The following STIMATE variants were observed in gnomAD, a reference collection of about 807,000 sequenced individuals.
STIMATE encodes the protein store-operated calcium entry regulator STIMATE.
A neutral mutation model predicts 36.7 loss-of-function variants in STIMATE; 15 were observed. That is an observed-to-expected ratio of 0.41 (90% confidence interval 0.27 to 0.63). STIMATE has a LOEUF of 0.63. STIMATE is among the 20% of genes least tolerant of loss of function. The probability of loss-of-function intolerance (pLI) is 0.32; values close to 1 mark genes in which losing one functional copy is unlikely to be tolerated. For missense variants in STIMATE, 305 were observed against 397.3 expected, an observed-to-expected ratio of 0.77 and a Z score of 1.98; for synonymous variants, 163 against 162.3, an observed-to-expected ratio of 1.00 and a Z score of -0.03.
intron 1 of STIMATE, among the ~76,000 whole-genome samples, chr3:52,877,018 A>G (rs569028214): frequency 6.6e-6 from 1 of 152,348 alleles, no homozygotes; most frequent in South Asian, 2.1e-4. Context: ...CTTGTGATAA[A>G]AAGTCAACTC....
At chr3:52,858,593 G>T (rs1402101669) in intron 1 of STIMATE, among the ~76,000 whole-genome samples, 2 of 152,170 alleles carry the variant, frequency 1.3e-5, no homozygotes, top group African/African-American at 4.8e-5. Flanking sequence ...CTGCATTCCA[G>T]CCTGGGAAAG....
intron 4 of STIMATE, chr3:52,846,621 G>C (rs1207511493): frequency 6.6e-6 from 1 of 152,208 alleles, no homozygotes; most frequent in South Asian, 2.1e-4. Flanking sequence ...CATTGCCCCA[G>C]TGTTCTAGGT....
intron 7 of STIMATE, 83 bp from the exon 8 acceptor site, chr3:52,840,693 GTC>G (rs1700781861): frequency 1.9e-5 from 21 of 1,117,612 alleles, no homozygotes; most frequent in Non-Finnish European, 2.6e-5. Flanking sequence ...GGCCCTTCAA[GTC>G]TCATGTTTTT....
At chr3:52,850,404 C>T (rs1015452330) in intron 3 of STIMATE, among the ~76,000 whole-genome samples, 3 of 150,882 alleles carry the variant, frequency 2.0e-5, no homozygotes, top group Non-Finnish European at 2.9e-5. Context: ...TGCACTCCAG[C>T]GTGGTGACAC....
chr3:52,873,754 T>C (rs559897482), intron 1 of STIMATE, among the ~76,000 whole-genome samples: 17 of 152,292 alleles, frequency 1.1e-4, no homozygotes, highest in Admixed American at 1.1e-3. Flanking sequence ...ACGTTCTTCC[T>C]GAATACTGAT....
chr3:52,888,638 T>C (rs182670968), intron 1 of STIMATE, among the ~76,000 whole-genome samples: 1 of 152,198 alleles, frequency 6.6e-6, no homozygotes, highest in African/African-American at 2.4e-5. Flanking sequence ...AGATGTCTTA[T>C]AACAAAATGG....
At chr3:52,892,862 C>T (rs1299209365) in intron 1 of STIMATE, among the ~76,000 whole-genome samples, 2 of 152,140 alleles carry the variant, frequency 1.3e-5, no homozygotes, top group African/African-American at 4.8e-5. Flanking sequence ...CATACAGCGC[C>T]GCTTATGGCG....
rs149583656 is a variant in STIMATE at position 52,849,384 on chromosome 3, T to C, written c.427+408A>G. Among the ~76,000 whole-genome samples, 487 of 152,362 alleles carry C rather than the reference T, an allele frequency of 3.2e-3. 8 individuals carry two copies. Among genetic ancestry groups the C allele is most frequent in the East Asian group, 1.9e-3 (10 of 5,188 alleles). ...AGGGGCAGGGCTTGCCACCTCGTTA[T>C]TGAACACCTTCGAAAAATGAGAGCT... On this transcript the variant is annotated intron_variant, in intron 4 of 7. Transcript: ENST00000355083.
intron 1 of STIMATE, among the ~76,000 whole-genome samples, chr3:52,886,083 A>G (rs1439186749): frequency 2.6e-5 from 4 of 152,190 alleles, no homozygotes; most frequent in East Asian, 1.9e-4. Context: ...CATGGACTCC[A>G]ATCTCAAAAT....
intron 1 of STIMATE, among the ~76,000 whole-genome samples, chr3:52,893,170 C>T (rs1575353623): frequency 6.6e-6 from 1 of 152,182 alleles, no homozygotes; most frequent in Non-Finnish European, 1.5e-5. Context: ...AAAACTCCAG[C>T]TATAAAAGAC....
In STIMATE at chr3:52,897,379, C is replaced by A; in HGVS notation, c.72G>T (p.Ala24=). 6.6e-7 allele frequency: 1 copy of A among 1,516,090 alleles called. No homozygotes were observed. The highest frequency in any genetic ancestry group is 8.8e-7 in the Non-Finnish European group (1 of 1,138,454). The allele number at this position is 1,516,090 out of a possible 1,614,324, so 93.9% of individuals were successfully genotyped here. Residue 24 remains alanine (A), a synonymous_variant, in exon 1 of 8, where the codon GCG becomes GCT. Transcript: ENST00000355083. ...GGPPSTVASG[A]GRCESGALMH... ...TGAGCGCGCCGCTCTCGCAGCGGCC[C>A]GCCCCGGACGCGACTGTGGAGGGCG...
intron 1 of STIMATE, among the ~76,000 whole-genome samples, chr3:52,894,210 TC>T (rs1701828446): frequency 6.6e-6 from 1 of 152,208 alleles, no homozygotes; most frequent in Non-Finnish European, 1.5e-5. Flanking sequence ...CATAAGCTTG[TC>T]TCTGAGTATG....
chr3:52,888,013 T>TG (rs1559499769), intron 1 of STIMATE, among the ~76,000 whole-genome samples: 5 of 142,402 alleles, frequency 3.5e-5, no homozygotes, highest in Non-Finnish European at 4.6e-5. Flanking sequence ...TTTTTTTTTT[T>TG]TTTTTTTTGC....
chr3:52,875,933 A>C (rs1011223018), intron 1 of STIMATE, among the ~76,000 whole-genome samples: 109 of 152,328 alleles, frequency 7.2e-4, no homozygotes, highest in African/African-American at 2.5e-3. Context: ...CTGGAGAAGC[A>C]GTGTGAGGGT....
At chr3:52,871,868 T>C (rs996271189) in intron 1 of STIMATE, among the ~76,000 whole-genome samples, 14 of 152,210 alleles carry the variant, frequency 9.2e-5, no homozygotes, top group African/African-American at 3.1e-4. Context: ...CCACGGCAGA[T>C]AGAAGAAACG....
intron 2 of STIMATE, among the ~76,000 whole-genome samples, chr3:52,853,921 G>A (rs912896125): frequency 2.0e-5 from 3 of 152,176 alleles, no homozygotes; most frequent in Non-Finnish European, 2.9e-5. Context: ...GTCTTGAAGA[G>A]CTGACTGTAT....
intron 1 of STIMATE, among the ~76,000 whole-genome samples, chr3:52,867,783 C>T (rs901918605): frequency 6.6e-6 from 1 of 152,246 alleles, no homozygotes; most frequent in Admixed American, 6.5e-5. Flanking sequence ...GAGTGTCCAA[C>T]CCCCTCCAGG....
At position 52,897,530 on chromosome 3, in the gene STIMATE, C is replaced by CAGCCGGGATCCCAAGCCTG; in HGVS notation, c.-81_-80insCAGGCTTGGGATCCCGGCT. 8.5e-7 allele frequency: 1 copy of CAGCCGGGATCCCAAGCCTG among 1,181,686 alleles called. No individual in the cohort carries two copies. Among genetic ancestry groups the CAGCCGGGATCCCAAGCCTG allele is most frequent in the African/African-American group, 1.6e-5 (1 of 62,422 alleles). The allele number at this position is 1,181,686 out of a possible 1,614,324, so 73.2% of individuals were successfully genotyped here. ...TGCCGGCGCAGCGCCGCCAAACCCGCAGCCGGGATCCCAAGCCTGAGCCGG... is the reference window on the plus strand; with the variant it reads ...TGCCGGCGCAGCGCCGCCAAACCCGCAGCCGGGATCCCAAGCCTGAGCCGGGATCCCAAGCCTGAGCCGG... On this transcript the variant is annotated 5_prime_UTR_variant, in exon 1 of 8. Coordinates refer to ENST00000355083, the MANE Select transcript of STIMATE (RefSeq NM_198563.5).
At chr3:52,891,387 T>C (rs9836178) in intron 1 of STIMATE, among the ~76,000 whole-genome samples, 111,544 of 152,058 alleles carry the variant, frequency 0.73, 41,201 homozygotes, top group South Asian at 0.88. Context: ...CAGTGAAGAG[T>C]AGGCTGCAGA....
Sources: gnomAD v4.1 joint callset for allele counts (sites outside exome capture counted in the v4.1 genomes callset) on GRCh38, gnomAD v4.1.1 for gene constraint, MANE v1.5 for transcripts, NCBI Gene and HGNC (gene_info 2026-07-23, HGNC 2026-07-21) for gene names.